CKAP5: variants seen among roughly 807,000 people sequenced by gnomAD.
CKAP5 encodes cytoskeleton associated protein 5.
In CKAP5, 27 loss-of-function variants were observed where a neutral mutation model predicts 232.8. That is an observed-to-expected ratio of 0.12 (90% CI 0.09 to 0.16). The LOEUF (loss-of-function observed/expected upper bound fraction) is 0.16. Among genes scored for constraint, CKAP5 ranks in the 10% least tolerant of loss-of-function variants. CKAP5 has a pLI of 1.00. For missense variants in CKAP5, 1,838 were observed against 2,424.7 expected, an observed-to-expected ratio of 0.76 and a Z score of 5.08; for synonymous variants, 785 against 841.1, an observed-to-expected ratio of 0.93 and a Z score of 1.16.
chr11:46,840,171 T>G (rs1325292855), intron 1 of CKAP5, among the ~76,000 whole-genome samples: 1 of 152,050 alleles, frequency 6.6e-6, no homozygotes. Flanking sequence ...TGGGACCCAG[T>G]AGGCATTCAA....
intron 1 of CKAP5, among the ~76,000 whole-genome samples, chr11:46,825,957 C>T (rs1939642081): frequency 1.3e-5 from 2 of 152,004 alleles, no homozygotes; most frequent in Admixed American, 1.3e-4. Flanking sequence ...AATGACAACA[C>T]TTTCCCTCAA....
chr11:46,818,108 A>G (rs1939444715), intron 3 of CKAP5, among the ~76,000 whole-genome samples: 1 of 152,176 alleles, frequency 6.6e-6, no homozygotes, highest in Non-Finnish European at 1.5e-5. Context: ...ATTATTTCTA[A>G]TTTACTCCTC....
intron 24 of CKAP5, among the ~76,000 whole-genome samples, chr11:46,773,311 G>A (rs1243120026): frequency 6.7e-6 from 1 of 150,018 alleles, no homozygotes. Context: ...GTGCAATGAC[G>A]CGATCTTGGC....
In CKAP5 at chr11:46,769,198, C is replaced by T. The variant is rs1330346605; in HGVS notation, c.3322+765G>A. On this transcript the variant is annotated intron_variant, in intron 26 of 43. Coordinates refer to ENST00000529230, the MANE Select transcript of CKAP5 (RefSeq NM_001008938.4). ...CCTCCCAAAGTGCTGGGATTACAAGCATGAGCCACTGTGCCCAGCCTATTA... is the reference window on the plus strand; with the variant it reads ...CCTCCCAAAGTGCTGGGATTACAAGTATGAGCCACTGTGCCCAGCCTATTA... Among the ~76,000 whole-genome samples, 7 of 152,302 alleles carry T rather than the reference C, an allele frequency of 4.6e-5. No homozygotes were observed. In the East Asian group the frequency reaches 1.2e-3, roughly 25 times the overall value.
intron 1 of CKAP5, among the ~76,000 whole-genome samples, chr11:46,832,675 A>C (rs1407920050): frequency 6.6e-6 from 1 of 152,220 alleles, no homozygotes; most frequent in Non-Finnish European, 1.5e-5. Flanking sequence ...AAAACCTTGA[A>C]GTTGATATTA....
In CKAP5 at chr11:46,763,610, A is replaced by G. The variant is rs761021552; in HGVS notation, c.3558T>C (p.Thr1186=). The change falls in exon 29 of 44, where the codon ACT becomes ACC. Residue 1186 remains threonine, a synonymous_variant. Transcript: ENST00000529230. ...GCTCAATGTATTCATCCCGTGGGGT[A>G]GTAAAATTCCACTTTAGCACCTGGA... ...KGLKVLKWNF[T]TPRDEYIEQL... is the part of the protein sequence containing the mutation. 1 of 1,561,274 alleles carries G rather than the reference A, an allele frequency of 6.4e-7. No homozygotes were observed. The highest frequency in any genetic ancestry group is 1.2e-5 in the South Asian group (1 of 83,854).
chr11:46,806,545 C>T (rs1276096699), intron 8 of CKAP5, among the ~76,000 whole-genome samples: 4 of 152,130 alleles, frequency 2.6e-5, no homozygotes, highest in Admixed American at 2.0e-4. Flanking sequence ...AACTCTTTTT[C>T]CCCTAGGGCA....
chr11:46,762,232 T>C, intron 31 of CKAP5, 39 bp from the exon 32 acceptor site: 2 of 1,583,790 alleles, frequency 1.3e-6, no homozygotes, highest in Non-Finnish European at 1.7e-6. Context: ...AGACAACACA[T>C]ATTTGGGACA....
intron 24 of CKAP5, among the ~76,000 whole-genome samples, chr11:46,774,806 A>T (rs1377991210): frequency 1.3e-5 from 2 of 152,142 alleles, no homozygotes; most frequent in African/African-American, 4.8e-5. Flanking sequence ...ACTGAACTGG[A>T]CCCCTTCCTT....
chr11:46,809,683 T>C, intron 6 of CKAP5, 59 bp downstream of exon 6: 1 of 1,594,502 alleles, frequency 6.3e-7, no homozygotes, highest in Non-Finnish European at 8.6e-7. Context: ...ACACAGATTC[T>C]CATGGCAGTG....
intron 17 of CKAP5, 65 bp downstream of exon 17, chr11:46,784,423 G>C: frequency 1.5e-6 from 2 of 1,295,000 alleles, no homozygotes; most frequent in South Asian, 2.8e-5. Context: ...TGTTTAATTA[G>C]TAAGCTTAAA....
rs913503730 is a variant in CKAP5, at chr11:46,754,197, C to T, written c.4869+691G>A. Among the ~76,000 whole-genome samples the T allele has an allele frequency of 5.3e-5, 8 of 152,224 alleles. No homozygotes were observed. In the South Asian group the frequency reaches 1.7e-3, roughly 32 times the overall value. On this transcript the variant is annotated intron_variant, in intron 36 of 43. Coordinates refer to ENST00000529230, the MANE Select transcript of CKAP5 (RefSeq NM_001008938.4). ...TATTTTTAGTAGAGATGGGGTTTCACCATCTTGGCCAGGCTGATCTTGAAC... is the reference window on the plus strand; with the variant it reads ...TATTTTTAGTAGAGATGGGGTTTCATCATCTTGGCCAGGCTGATCTTGAAC...
intron 13 of CKAP5, among the ~76,000 whole-genome samples, chr11:46,792,752 G>A (rs1938770187): frequency 6.6e-6 from 1 of 152,176 alleles, no homozygotes; most frequent in Non-Finnish European, 1.5e-5. Flanking sequence ...GAGAAGGTCA[G>A]CCAGCATGAA....
At chr11:46,837,685 A>C (rs960815442) in intron 1 of CKAP5, among the ~76,000 whole-genome samples, 6 of 151,916 alleles carry the variant, frequency 3.9e-5, no homozygotes, top group Non-Finnish European at 7.4e-5. Flanking sequence ...ACACACACAC[A>C]CATGTATGTT....
At chr11:46,840,345 C>T (rs1940022985) in intron 1 of CKAP5, among the ~76,000 whole-genome samples, 1 of 152,104 alleles carries the variant, frequency 6.6e-6, no homozygotes, top group Non-Finnish European at 1.5e-5. Context: ...TTTTCTGGTT[C>T]ACCAGTGTAT....
intron 35 of CKAP5, among the ~76,000 whole-genome samples, chr11:46,756,056 A>G (rs2065108817): frequency 6.6e-6 from 1 of 152,262 alleles, no homozygotes; most frequent in Non-Finnish European, 1.5e-5. Context: ...CAGAAAGATC[A>G]GACTACTGGT....
At chr11:46,823,124 C>T (rs1939579995) in intron 1 of CKAP5, among the ~76,000 whole-genome samples, 1 of 152,048 alleles carries the variant, frequency 6.6e-6, no homozygotes, top group Non-Finnish European at 1.5e-5. Flanking sequence ...GTGTGCACCA[C>T]CATGCTCGGC....
chr11:46,811,030 A>T lies in CKAP5; in HGVS notation c.607T>A (p.Leu203Ile). ...ACCTGAACAGAGTTTATATTTTGTA[A>T]TGGGGGTCTCAGAGCATCCCGAATC... ...RWIRDALRPP[L>I]QNINSVQLKE... Residue 203 changes from leucine to isoleucine, a missense_variant, in exon 5 of 44, where the codon TTA becomes ATA. Transcript: ENST00000529230. 3.1e-6 allele frequency: 5 copies of T among 1,613,126 alleles called. No individual in the cohort carries two copies. Among genetic ancestry groups the T allele is most frequent in the Non-Finnish European group, 4.2e-6 (5 of 1,179,686 alleles).
In CKAP5 at chr11:46,798,304, G is replaced by C. The variant is rs1030008337; in HGVS notation, c.1084-132C>G. Reference sequence around the variant, plus strand: ...AAAAGCCAGTCACAGGCTGGGCACAGTGACTCATGCCTGTAATCCCAGCAC... The same window carrying C: ...AAAAGCCAGTCACAGGCTGGGCACACTGACTCATGCCTGTAATCCCAGCAC... On this transcript the variant is annotated intron_variant, in intron 9 of 43. Transcript: ENST00000529230. The C allele has an allele frequency of 1.6e-5, 11 of 686,146 alleles. No individual in the cohort carries two copies. The African/African-American group carries it at 1.8e-4, about 11-fold the overall frequency. 42.5% of individuals were successfully genotyped at this position (686,146 alleles called of 1,614,324 possible).
Sources: allele counts gnomAD v4.1 joint callset (sites outside exome capture counted in the v4.1 genomes callset), GRCh38; gene constraint gnomAD v4.1.1; transcripts MANE v1.5; gene names NCBI Gene and HGNC (gene_info 2026-07-23, HGNC 2026-07-21).